ITGA11: variants seen among roughly 807,000 people sequenced by gnomAD.
ITGA11 encodes integrin alpha-11.
Under a neutral mutation model 141.9 loss-of-function variants are expected in ITGA11, and 97 were observed. That is an observed-to-expected ratio of 0.68 (90% CI 0.58 to 0.81). ITGA11 has a LOEUF of 0.81. Among genes scored for constraint, ITGA11 ranks in the 30% least tolerant of loss-of-function variants. The pLI, the probability that ITGA11 is intolerant of heterozygous loss-of-function variation, is 0.00. For missense variants in ITGA11, 1,387 were observed against 1,559.2 expected (o/e 0.89, Z 1.86); for synonymous variants, 658 against 624.6 (o/e 1.05, Z -0.80).
At chr15:68,388,358 C>T (rs1034814622) in intron 2 of ITGA11, among the ~76,000 whole-genome samples, 1 of 151,934 alleles carries the variant, frequency 6.6e-6, no homozygotes, top group Non-Finnish European at 1.5e-5. Flanking sequence ...CAGATTCTTC[C>T]TTTCCCTCAT....
chr15:68,314,394 C>T (rs1329075521), intron 22 of ITGA11, among the ~76,000 whole-genome samples: 1 of 152,192 alleles, frequency 6.6e-6, no homozygotes, highest in Non-Finnish European at 1.5e-5. Flanking sequence ...GAGACATCTT[C>T]CGGGGGGGTT....
Position 68,296,834 on chromosome 15 carries a change from T to C in ITGA11, c.*6225A>G, listed in dbSNP as rs1390032619. The stretch of plus-strand genomic sequence containing the variant: ...ATTCCAAGTCATACTTTTTTTTTTT[T>C]TCCCCCATGATCTATTTGAAAAAGA... On this transcript the variant is annotated 3_prime_UTR_variant, in exon 30 of 30. Coordinates refer to ENST00000315757, the MANE Select transcript of ITGA11 (RefSeq NM_001004439.2). 1 of 151,410 alleles carries C rather than the reference T, an allele frequency of 6.6e-6. No homozygotes were observed. Among genetic ancestry groups the C allele is most frequent in the Non-Finnish European group, 1.5e-5 (1 of 68,014 alleles). The allele number at this position is 151,410 out of a possible 1,614,324, so 9.4% of individuals were successfully genotyped here. A position where few individuals can be genotyped will look rare whatever the true frequency, so the allele number is the denominator to read the frequency against.
chr15:68,419,946 A>G (rs1054315852), intron 1 of ITGA11, among the ~76,000 whole-genome samples: 6 of 152,168 alleles, frequency 3.9e-5, no homozygotes, highest in Non-Finnish European at 7.3e-5. Context: ...TTGAAACCTT[A>G]TGTCAGTGGA....
At chr15:68,388,657 C>T (rs993917542) in intron 2 of ITGA11, among the ~76,000 whole-genome samples, 1 of 152,180 alleles carries the variant, frequency 6.6e-6, no homozygotes, top group African/African-American at 2.4e-5. Flanking sequence ...TACTGCTGCT[C>T]ATAAAGCATG....
At chr15:68,379,290 C>T (rs916969161) in intron 2 of ITGA11, among the ~76,000 whole-genome samples, 4 of 152,236 alleles carry the variant, frequency 2.6e-5, no homozygotes, top group African/African-American at 9.6e-5. Context: ...GATCTCTTAG[C>T]TGAAAGCTCC....
chr15:68,347,893 C>T (rs1481281838), intron 10 of ITGA11, among the ~76,000 whole-genome samples: 2 of 145,644 alleles, frequency 1.4e-5, no homozygotes, highest in East Asian at 2.0e-4. Context: ...AGTACACTCT[C>T]ATGGTGCCAG....
At chr15:68,401,305 T>C (rs1265074981) in intron 2 of ITGA11, among the ~76,000 whole-genome samples, 1 of 152,094 alleles carries the variant, frequency 6.6e-6, no homozygotes, top group Non-Finnish European at 1.5e-5. Flanking sequence ...TGGCAGGTCC[T>C]ACTAAAAAGT....
intron 1 of ITGA11, among the ~76,000 whole-genome samples, chr15:68,423,021 T>A (rs1366331644): frequency 6.6e-6 from 1 of 152,166 alleles, no homozygotes; most frequent in Non-Finnish European, 1.5e-5. Context: ...TGCTATTACC[T>A]CCTGGAGTGC....
rs1443307645 is a variant in ITGA11, at chr15:68,331,931, CA to C, written c.1697del (p.Leu566ArgfsTer20). The C allele has an allele frequency of 1.9e-6, 3 of 1,613,222 alleles. No individual in the cohort carries two copies. Among genetic ancestry groups the C allele is most frequent in the Non-Finnish European group, 2.5e-6 (3 of 1,179,726 alleles). On this transcript the variant is annotated frameshift_variant, in exon 14 of 30. Coordinates refer to ENST00000315757, the MANE Select transcript of ITGA11 (RefSeq NM_001004439.2). LOFTEE classifies it high-confidence loss of function. ...SYNDVVVGAP[L>X]EDNHAGAIYI... Reference sequence around the variant, plus strand: ...AGATGGCTCCTGCGTGGTTGTCCTCCAGGGGGGCTCCCACCACCACGTCATT... The same window carrying C: ...AGATGGCTCCTGCGTGGTTGTCCTCCGGGGGGCTCCCACCACCACGTCATT...
At chr15:68,361,742 A>AT in intron 4 of ITGA11, 38 bp from the exon 5 acceptor site, 1 of 1,436,220 alleles carries the variant, frequency 7.0e-7, no homozygotes, top group South Asian at 1.2e-5. Flanking sequence ...CAGTGAGGGG[A>AT]CCTCAGAGAG....
intron 1 of ITGA11, 49 bp downstream of exon 1, chr15:68,431,966 C>A: frequency 8.1e-7 from 1 of 1,240,578 alleles, no homozygotes; most frequent in Non-Finnish European, 1.0e-6. Flanking sequence ...CCCCGAGGGC[C>A]CAGGGAGGGA....
rs1299561233 is a variant in ITGA11 at position 68,335,019 on chromosome 15, G to A, written c.1425+678C>T. Among the ~76,000 whole-genome samples, 1 of 152,164 alleles carries A rather than the reference G, an allele frequency of 6.6e-6. No homozygotes were observed. ...GGATTCTCACAGTGACCAGCCAAGG[G>A]CAGTCAGAGACTCAGGAGACAGGAC... is the stretch of plus-strand genomic sequence containing the variant. On this transcript the variant is annotated intron_variant, in intron 12 of 29. Transcript: ENST00000315757. This position sits in a 1 kb window ranked among gnomAD's most constrained non-coding sequence, Gnocchi z 4.9.
At chr15:68,397,539 A>C (rs1269252529) in intron 2 of ITGA11, among the ~76,000 whole-genome samples, 1 of 39,708 alleles carries the variant, frequency 2.5e-5, no homozygotes, top group Non-Finnish European at 3.8e-5. Context: ...AAATATTTAA[A>C]ATATTATATT....
At chr15:68,390,196 T>G (rs1183952943) in intron 2 of ITGA11, among the ~76,000 whole-genome samples, 2 of 152,192 alleles carry the variant, frequency 1.3e-5, no homozygotes, top group African/African-American at 4.8e-5. Context: ...TTGCTGAGTT[T>G]GAGCTCTGAG....
rs535884605 is a variant in ITGA11, at chr15:68,415,529, A to G, written c.53-12500T>C. 1.1e-4 allele frequency among the ~76,000 whole-genome samples: 16 copies of G among 152,292 alleles called. 1 individual carries two copies. The highest frequency in any genetic ancestry group is 2.1e-4 in the South Asian group (1 of 4,826). On this transcript the variant is annotated intron_variant, in intron 1 of 29. Coordinates refer to ENST00000315757, the MANE Select transcript of ITGA11 (RefSeq NM_001004439.2). ...CTTAGCAGAATCTCTGGGGGAGATT[A>G]TCTCATTTGGGAAACAGCACGTCCC...
In ITGA11 at chr15:68,427,040, A is replaced by G. The variant is rs1243184497; in HGVS notation, c.52+4975T>C. ...AAAAAAAAAAAAAAAAAAAAAAAAA[A>G]AGGCAGTGGCCTGGGGGTCAGACAA... On this transcript the variant is annotated intron_variant, in intron 1 of 29. Coordinates refer to ENST00000315757, the MANE Select transcript of ITGA11 (RefSeq NM_001004439.2). Among the ~76,000 whole-genome samples the G allele has an allele frequency of 2.3e-5, 3 of 133,106 alleles. No homozygotes were observed. In the Admixed American group the frequency reaches 2.3e-4, roughly 10 times the overall value. 87.3% of individuals were successfully genotyped at this position (133,106 alleles called of 152,430 possible).
At chr15:68,393,302 C>T (rs1331299630) in intron 2 of ITGA11, among the ~76,000 whole-genome samples, 1 of 152,034 alleles carries the variant, frequency 6.6e-6, no homozygotes, top group African/African-American at 2.4e-5. Flanking sequence ...AGAAATGGGA[C>T]AAAAGCTATA....
In ITGA11 at chr15:68,335,068, G is replaced by T. The variant is rs564635745; in HGVS notation, c.1425+629C>A. Among the ~76,000 whole-genome samples the T allele has an allele frequency of 6.6e-6, 1 of 152,318 alleles. No homozygotes were observed. The highest frequency in any genetic ancestry group is 6.5e-5 in the Admixed American group (1 of 15,302). ...ACTGTTCCCAGGCTCAGGAGAGCCG[G>T]CAGGGAGCTGGGGACAACATGGAAG... On this transcript the variant is annotated intron_variant, in intron 12 of 29. Transcript: ENST00000315757. The surrounding 1 kb of genome is among the most constrained non-coding windows in gnomAD (Gnocchi z 4.9).
At chr15:68,400,256 C>T (rs1039332502) in intron 2 of ITGA11, among the ~76,000 whole-genome samples, 3 of 151,882 alleles carry the variant, frequency 2.0e-5, no homozygotes, top group Admixed American at 6.6e-5. Context: ...TCACACCTTA[C>T]ACAAACATTA....
Sources: allele counts gnomAD v4.1 joint callset (sites outside exome capture counted in the v4.1 genomes callset), GRCh38; gene constraint gnomAD v4.1.1; non-coding constraint Gnocchi (gnomAD v3.1); transcripts MANE v1.5; gene names NCBI Gene and HGNC (gene_info 2026-07-23, HGNC 2026-07-21).